SETD2: variants seen among roughly 807,000 people sequenced by gnomAD.
The protein encoded by SETD2 is histone-lysine N-methyltransferase SETD2.
Under a neutral mutation model 242.1 loss-of-function variants are expected in SETD2, and 31 were observed. That is an observed-to-expected ratio of 0.13 (90% CI 0.10 to 0.17). SETD2 has a LOEUF of 0.17. Among genes scored for constraint, SETD2 ranks in the 10% least tolerant of loss-of-function variants. SETD2 has a pLI of 1.00. For missense variants in SETD2, 2,481 were observed against 3,046.3 expected (o/e 0.81, Z 4.37); for synonymous variants, 1,006 against 1,066.5 (o/e 0.94, Z 1.11).
At chr3:47,040,569 ATTTTTTTTTTT>A (rs34309892) in intron 17 of SETD2, among the ~76,000 whole-genome samples, 2 of 91,738 alleles carry the variant, frequency 2.2e-5, no homozygotes, top group Non-Finnish European at 2.0e-5. Flanking sequence ...AGGGAAAAGG[ATTTTTTTTTTT>A]TTTTTTTTTT....
At position 47,056,792 on chromosome 3, in the gene SETD2, CAGAAA is replaced by C. The variant is rs566228221; in HGVS notation, c.6963+24_6963+28del. The C allele has an allele frequency of 3.9e-4, 615 of 1,584,954 alleles. 5 individuals are homozygous for C. The South Asian group carries it at 6.4e-3, about 17-fold the overall frequency. ...AACATCCCATGAACAGACCATAAAGCAGAAAAGAAAAGTTTCAGAATTAGTTACCT... is the reference window on the plus strand; with the variant it reads ...AACATCCCATGAACAGACCATAAAGCAGAAAAGTTTCAGAATTAGTTACCT... On this transcript the variant is annotated intron_variant, in intron 15 of 20. Transcript: ENST00000409792.
intron 5 of SETD2, among the ~76,000 whole-genome samples, chr3:47,108,288 T>C (rs2042518026): frequency 6.6e-6 from 1 of 152,180 alleles, no homozygotes; most frequent in South Asian, 2.1e-4. Flanking sequence ...ATCCCTCTTC[T>C]GCCAAAAATC....
intron 18 of SETD2, among the ~76,000 whole-genome samples, chr3:47,037,145 T>TATA (rs1210465967): frequency 8.0e-5 from 12 of 150,056 alleles, no homozygotes; most frequent in African/African-American, 2.7e-4. Flanking sequence ...TTATTATTAT[T>TATA]ATACTTTAAG....
At chr3:47,064,778 A>G in intron 13 of SETD2, 1 of 151,794 alleles carries the variant, frequency 6.6e-6, no homozygotes. Context: ...AAATATATAT[A>G]AAATATATAA....
chr3:47,117,284 AC>A (rs35694374), intron 3 of SETD2, among the ~76,000 whole-genome samples: 73,917 of 128,418 alleles, frequency 0.58, 19,815 homozygotes, highest in East Asian at 0.61. Flanking sequence ...AAAAAAACAA[AC>A]AAAAAAAAAA....
intron 15 of SETD2, among the ~76,000 whole-genome samples, chr3:47,054,784 TTTTCATTTAA>T (rs1337787863): frequency 6.6e-6 from 1 of 152,016 alleles, no homozygotes; most frequent in Non-Finnish European, 1.5e-5. Context: ...GAAAAATAAC[TTTTCATTTAA>T]ATGACTACCC....
chr3:47,086,226 C>A lies in SETD2; in HGVS notation c.5366G>T (p.Gly1789Val). ...CTGAAGCTTCTGGTTACTTTCCCGGCCGTCACCTAGCTCTGCCATCCAGAT... is the reference window on the plus strand; with the variant it reads ...CTGAAGCTTCTGGTTACTTTCCCGGACGTCACCTAGCTCTGCCATCCAGAT... ...LWIWMAELGD[G>V]RESNQKLQEE... Residue 1789 changes from glycine to valine, a missense_variant, in exon 11 of 21, where the codon GGC becomes GTC. Gly to Val is a moderately radical substitution (Grantham distance 109). This residue lies in a region of SETD2 where 62 missense variants were observed against 136.7 expected (regional missense o/e 0.45). Coordinates refer to ENST00000409792, the MANE Select transcript of SETD2 (RefSeq NM_014159.7). 1 of 1,613,210 alleles carries A rather than the reference C, an allele frequency of 6.2e-7. No homozygotes were observed. The highest frequency in any genetic ancestry group is 8.5e-7 in the Non-Finnish European group (1 of 1,179,412).
At chr3:47,069,627 G>C (rs1429565521) in intron 12 of SETD2, among the ~76,000 whole-genome samples, 1 of 152,114 alleles carries the variant, frequency 6.6e-6, no homozygotes, top group East Asian at 1.9e-4. Context: ...AGGTAGGCCT[G>C]CCCTCAGCTA....
intron 1 of SETD2, among the ~76,000 whole-genome samples, chr3:47,142,068 A>G (rs1490226866): frequency 6.6e-6 from 1 of 152,224 alleles, no homozygotes; most frequent in Non-Finnish European, 1.5e-5. Flanking sequence ...ATCATTTCAT[A>G]CAGAAAAAGG....
intron 12 of SETD2, among the ~76,000 whole-genome samples, chr3:47,082,129 A>G (rs2107634219): frequency 6.6e-6 from 1 of 152,322 alleles, no homozygotes; most frequent in South Asian, 2.1e-4. Context: ...TATATCCTAG[A>G]GAGTAATTCA....
intron 3 of SETD2, among the ~76,000 whole-genome samples, chr3:47,119,247 C>CT (rs2042978162): frequency 6.6e-6 from 1 of 152,126 alleles, no homozygotes; most frequent in South Asian, 2.1e-4. Context: ...TTAAAACAGA[C>CT]TGAGAAGCCC....
chr3:47,019,068 T>C (rs1206055824), intron 19 of SETD2, among the ~76,000 whole-genome samples: 2 of 152,212 alleles, frequency 1.3e-5, no homozygotes, highest in African/African-American at 2.4e-5. Flanking sequence ...TGAATGAAGA[T>C]TGGAGTTTAG....
chr3:47,070,164 T>A (rs1575723671), intron 12 of SETD2, among the ~76,000 whole-genome samples: 1 of 152,208 alleles, frequency 6.6e-6, no homozygotes, highest in African/African-American at 2.4e-5. Context: ...GTAGCGGCAG[T>A]TAATGTACCA....
chr3:47,106,811 CAA>C (rs397989450), intron 5 of SETD2, among the ~76,000 whole-genome samples: 7 of 113,604 alleles, frequency 6.2e-5, no homozygotes, highest in Admixed American at 1.8e-4. Context: ...GACTCCGTCT[CAA>C]AAAAAAAAAA....
chr3:47,107,337 C>T (rs746470196), intron 5 of SETD2, among the ~76,000 whole-genome samples: 5 of 151,686 alleles, frequency 3.3e-5, no homozygotes, highest in Admixed American at 1.3e-4. Context: ...GAGTTAACTT[C>T]GCCAACTGAA....
intron 9 of SETD2, among the ~76,000 whole-genome samples, chr3:47,088,940 T>C (rs1288043979): frequency 6.6e-6 from 1 of 152,140 alleles, no homozygotes; most frequent in East Asian, 1.9e-4. Context: ...CAAATATCTG[T>C]ACAAGTTGGA....
chr3:47,099,439 C>T (rs78643066), intron 8 of SETD2, among the ~76,000 whole-genome samples: 1 of 152,010 alleles, frequency 6.6e-6, no homozygotes, highest in Non-Finnish European at 1.5e-5. Context: ...GGTCACTGGT[C>T]CTAAAGACCC....
chr3:47,055,905 C>T (rs1217263565), intron 15 of SETD2, among the ~76,000 whole-genome samples: 27 of 146,162 alleles, frequency 1.8e-4, no homozygotes, highest in African/African-American at 6.5e-4. Context: ...CCAAGCTACT[C>T]GGGAGCCTGA....
chr3:47,077,085 G>C (rs1415405928), intron 12 of SETD2, among the ~76,000 whole-genome samples: 2 of 152,128 alleles, frequency 1.3e-5, no homozygotes, highest in Non-Finnish European at 2.9e-5. Flanking sequence ...AAGAGATGCT[G>C]TGCCTTATTT....
Sources: allele counts gnomAD v4.1 joint callset (sites outside exome capture counted in the v4.1 genomes callset), GRCh38; gene constraint gnomAD v4.1.1; regional missense constraint gnomAD v4.1.1; transcripts MANE v1.5; gene names NCBI Gene and HGNC (gene_info 2026-07-23, HGNC 2026-07-21).